The following OR51B5 variants were observed in gnomAD, a reference collection of about 807,000 sequenced individuals.
OR51B5 encodes the protein olfactory receptor 51B5.
For synonymous variants in OR51B5, 186 were observed against 144.8 expected (o/e 1.28, Z -2.04); for missense variants, 456 against 374.6 (o/e 1.22, Z -1.79).
intron 1 of OR51B5, chr11:5,454,663 G>T: frequency 2.8e-6 from 1 of 356,256 alleles, no homozygotes; most frequent in South Asian, 8.4e-5. Flanking sequence ...AATTAGACAA[G>T]TTTTACAGAG....
chr11:5,422,457 T>C (rs1241342547), intron 1 of OR51B5: 2 of 1,614,088 alleles, frequency 1.2e-6, no homozygotes, highest in Non-Finnish European at 1.7e-6. Context: ...GTCATGCAGC[T>C]TCTCTGGTTC....
chr11:5,360,342 A>T, intron 1 of OR51B5, among the ~76,000 whole-genome samples: 1 of 152,112 alleles, frequency 6.6e-6, no homozygotes, highest in East Asian at 1.9e-4. Context: ...ATATGAACAG[A>T]CACTTCTCAA....
intron 1 of OR51B5, among the ~76,000 whole-genome samples, chr11:5,483,705 C>T (rs978992777): frequency 6.6e-6 from 1 of 151,988 alleles, no homozygotes; most frequent in Non-Finnish European, 1.5e-5. Context: ...TTATCAACTG[C>T]TTCTTATCTT....
chr11:5,392,465 T>A (rs1176266529), intron 1 of OR51B5: 1 of 152,230 alleles, frequency 6.6e-6, no homozygotes, highest in African/African-American at 2.4e-5. Context: ...TGCCTCTTAT[T>A]AACAAATAGA....
At chr11:5,400,597 C>T (rs1421837504) in intron 1 of OR51B5, among the ~76,000 whole-genome samples, 2 of 152,180 alleles carry the variant, frequency 1.3e-5, no homozygotes, top group Admixed American at 1.3e-4. Context: ...AGGACCCTCT[C>T]AAAGTATCTT....
chr11:5,358,949 C>T (rs1446253054), intron 1 of OR51B5, among the ~76,000 whole-genome samples: 1 of 151,654 alleles, frequency 6.6e-6, no homozygotes, highest in Admixed American at 6.6e-5. Context: ...AACAACCCTT[C>T]ATGCTAAAAA....
chr11:5,444,630 T>G (rs1270425195), intron 1 of OR51B5, among the ~76,000 whole-genome samples: 1 of 152,130 alleles, frequency 6.6e-6, no homozygotes, highest in East Asian at 1.9e-4. Context: ...ATGCTTTCCT[T>G]GTAGCTGGAT....
chr11:5,379,107 A>C (rs1450671879), intron 1 of OR51B5, among the ~76,000 whole-genome samples: 1 of 151,756 alleles, frequency 6.6e-6, no homozygotes, highest in African/African-American at 2.4e-5. Context: ...TGTGGCACAT[A>C]TACACCATGG....
chr11:5,355,238 G>T (rs2736561), intron 1 of OR51B5: 75,773 of 173,332 alleles, frequency 0.44, 18,850 homozygotes, highest in South Asian at 0.54. Context: ...GAGTTTAATG[G>T]TGACTTACAA....
At chr11:5,352,313 T>G (rs1166756858) in intron 1 of OR51B5, 1 of 1,614,096 alleles carries the variant, frequency 6.2e-7, no homozygotes, top group South Asian at 1.1e-5. Context: ...GTTCCTCATG[T>G]CGTTCACATC....
intron 1 of OR51B5, among the ~76,000 whole-genome samples, chr11:5,419,687 T>G (rs1301281872): frequency 6.6e-6 from 1 of 152,106 alleles, no homozygotes; most frequent in Non-Finnish European, 1.5e-5. Flanking sequence ...GGAAACAACC[T>G]CTCACATCGA....
At chr11:5,418,670 T>C (rs1850278764) in intron 1 of OR51B5, among the ~76,000 whole-genome samples, 1 of 151,454 alleles carries the variant, frequency 6.6e-6, no homozygotes. Context: ...TAATTGGTAG[T>C]TGAACAATGA....
At chr11:5,455,377 A>G (rs1409216209) in intron 1 of OR51B5, 1 of 150,268 alleles carries the variant, frequency 6.7e-6, no homozygotes, top group African/African-American at 2.4e-5. Flanking sequence ...CCTAGGATAG[A>G]CAGACTAGAG....
intron 1 of OR51B5, among the ~76,000 whole-genome samples, chr11:5,385,023 T>C (rs1849664740): frequency 6.6e-6 from 1 of 152,178 alleles, no homozygotes; most frequent in South Asian, 2.1e-4. Flanking sequence ...AAATAACTAA[T>C]ATTAAATTCA....
At chr11:5,451,722 A>G (rs1386492714) in intron 1 of OR51B5, among the ~76,000 whole-genome samples, 2 of 152,182 alleles carry the variant, frequency 1.3e-5, no homozygotes, top group African/African-American at 4.8e-5. Flanking sequence ...TCCCATCAGA[A>G]AGAACTCTGA....
chr11:5,382,321 G>A (rs775322061), intron 1 of OR51B5, among the ~76,000 whole-genome samples: 28 of 152,114 alleles, frequency 1.8e-4, no homozygotes, highest in Non-Finnish European at 3.8e-4. Flanking sequence ...CCCTATCTGT[G>A]GTTGATTCTT....
At chr11:5,355,073 A>T (rs1372502535) in intron 1 of OR51B5, 1 of 172,426 alleles carries the variant, frequency 5.8e-6, no homozygotes, top group Non-Finnish European at 1.3e-5. Context: ...CAATTTCCTG[A>T]CTTGAAGAAT....
At chr11:5,452,504 C>CAAAAAAAAAAAAAA (rs56677841) in intron 1 of OR51B5, among the ~76,000 whole-genome samples, 7 of 69,214 alleles carry the variant, frequency 1.0e-4, no homozygotes, top group Non-Finnish European at 1.6e-4. Context: ...GACTCTGTCT[C>CAAAAAAAAAAAAAA]AAAAAAAAAA....
intron 1 of OR51B5, among the ~76,000 whole-genome samples, chr11:5,480,485 G>A (rs1265804321): frequency 1.3e-5 from 2 of 149,798 alleles, no homozygotes; most frequent in East Asian, 3.9e-4. Flanking sequence ...AAAGCTAGCA[G>A]AAGGCAAGAA....
Sources: gnomAD v4.1 joint callset for allele counts (sites outside exome capture counted in the v4.1 genomes callset) on GRCh38, gnomAD v4.1.1 for gene constraint, MANE v1.5 for transcripts, NCBI Gene and HGNC (gene_info 2026-07-23, HGNC 2026-07-21) for gene names.